Variants in NTF3 observed in about 807,000 individuals in gnomAD.
NTF3 encodes the protein neurotrophin-3.
NTF3 carries 8 observed loss-of-function variants against 26.3 expected under a neutral mutation model. That is an observed-to-expected ratio of 0.30 (90% confidence interval 0.18 to 0.55). NTF3 has a LOEUF of 0.55. Ranked by LOEUF, NTF3 falls within the 20% of genes least tolerant of loss-of-function variation. NTF3 has a pLI of 0.93. For synonymous variants in NTF3, 154 were observed against 145.5 expected (o/e 1.06, Z -0.42); for missense variants, 276 against 352.9 (o/e 0.78, Z 1.75).
chr12:5,447,525 C>T (rs1459912399), intron 1 of NTF3, among the ~76,000 whole-genome samples: 2 of 152,194 alleles, frequency 1.3e-5, no homozygotes, highest in African/African-American at 4.8e-5. Flanking sequence ...AGTTCTATTT[C>T]TGTCAATCAC....
intron 1 of NTF3, among the ~76,000 whole-genome samples, chr12:5,472,027 C>CGGT (rs1940671761): frequency 6.6e-6 from 1 of 152,114 alleles, no homozygotes; most frequent in Non-Finnish European, 1.5e-5. Context: ...GATAACTGTG[C>CGGT]GGTCTGAGGT....
At chr12:5,438,228 G>A (rs1398518034) in intron 1 of NTF3, among the ~76,000 whole-genome samples, 2 of 151,796 alleles carry the variant, frequency 1.3e-5, no homozygotes, top group African/African-American at 2.4e-5. Flanking sequence ...GCCCCAGAGC[G>A]TTAAAGTATT....
chr12:5,494,302 T>C lies in NTF3; in HGVS notation c.127T>C (p.Ser43Pro). ...GGATCAAAGGAGTTTGCCAGAAGAC[T>C]CGCTCAATTCCCTCATTATTAAGCT... ...NMDQRSLPED[S>P]LNSLIIKLIQ... The change falls in exon 2 of 2, where the codon TCG becomes CCG. Residue 43 changes from serine to proline, a missense_variant. Transcript: ENST00000423158. This position sits in a 1 kb window ranked among gnomAD's most constrained non-coding sequence, Gnocchi z 8.3. 6.2e-7 allele frequency: 1 copy of C among 1,614,112 alleles called. No individual in the cohort carries two copies. The highest frequency in any genetic ancestry group is 8.5e-7 in the Non-Finnish European group (1 of 1,180,032).
chr12:5,438,170 A>AT (rs1468491060), intron 1 of NTF3, among the ~76,000 whole-genome samples: 6 of 152,134 alleles, frequency 3.9e-5, no homozygotes, highest in African/African-American at 1.2e-4. Context: ...AAAAAAAAAA[A>AT]GTCTTTCAGA....
intron 1 of NTF3, among the ~76,000 whole-genome samples, chr12:5,485,159 C>A (rs11063707): frequency 0.43 from 65,521 of 152,060 alleles, 14,170 homozygotes; most frequent in South Asian, 0.51. Flanking sequence ...CCCATATCAC[C>A]TAGATGTGTT....
At chr12:5,440,188 G>T (rs1178361312) in intron 1 of NTF3, among the ~76,000 whole-genome samples, 1 of 152,132 alleles carries the variant, frequency 6.6e-6, no homozygotes, top group Non-Finnish European at 1.5e-5. Context: ...TTGTTCTGTT[G>T]CTTAAACATA....
At chr12:5,454,235 A>G (rs1346804883) in intron 1 of NTF3, among the ~76,000 whole-genome samples, 1 of 152,108 alleles carries the variant, frequency 6.6e-6, no homozygotes, top group African/African-American at 2.4e-5. Flanking sequence ...CTTGGCTTAT[A>G]GATGCATCTG....
intron 1 of NTF3, among the ~76,000 whole-genome samples, chr12:5,441,172 T>C (rs66497710): frequency 0.091 from 13,804 of 152,190 alleles, 667 homozygotes; most frequent in South Asian, 0.12. Context: ...TGGGAAGTCC[T>C]CGAACCACAC....
intron 1 of NTF3, among the ~76,000 whole-genome samples, chr12:5,466,035 CCTCA>C (rs1940584991): frequency 6.6e-6 from 1 of 152,204 alleles, no homozygotes; most frequent in Admixed American, 6.5e-5. Context: ...CAACTTTCAG[CCTCA>C]CTCGTGCCCA....
chr12:5,473,186 G>A (rs555598998), intron 1 of NTF3, among the ~76,000 whole-genome samples: 1 of 152,236 alleles, frequency 6.6e-6, no homozygotes, highest in Non-Finnish European at 1.5e-5. Context: ...ATTGGCTTTT[G>A]CCTGCCCAGC....
intron 1 of NTF3, among the ~76,000 whole-genome samples, chr12:5,448,710 G>C (rs1415912169): frequency 1.3e-5 from 2 of 152,156 alleles, no homozygotes; most frequent in Non-Finnish European, 2.9e-5. Flanking sequence ...CCAGAAGGAA[G>C]CTATCGCATT....
intron 1 of NTF3, among the ~76,000 whole-genome samples, chr12:5,453,151 G>A (rs144392127): frequency 7.2e-4 from 109 of 152,340 alleles, no homozygotes; most frequent in African/African-American, 2.5e-3. Context: ...CATATATGAA[G>A]CATTTAATAC....
chr12:5,468,986 G>A (rs1940629184), intron 1 of NTF3, among the ~76,000 whole-genome samples: 1 of 152,038 alleles, frequency 6.6e-6, no homozygotes, highest in Non-Finnish European at 1.5e-5. Context: ...CCTGGCTTGG[G>A]GTTGCACACC....
rs112236710 is a variant in NTF3 at position 5,453,604 on chromosome 12, T to G, written c.18+21262T>G. Among the ~76,000 whole-genome samples, 387 of 152,362 alleles carry G rather than the reference T, an allele frequency of 2.5e-3. 3 individuals are homozygous for G. Among genetic ancestry groups the G allele is most frequent in the African/African-American group, 8.7e-3 (363 of 41,590 alleles). On this transcript the variant is annotated intron_variant, in intron 1 of 1. Transcript: ENST00000423158. ...CTTAGAAATCTCTTTGATCCATGTT[T>G]AGCTGTATTTATTCTTCCAACAGAT...
chr12:5,495,197 ATCCGGC>A lies in NTF3; in HGVS notation c.*212_*217del. The A allele has an allele frequency of 5.3e-6, 3 of 569,850 alleles. No homozygotes were observed. Among genetic ancestry groups the A allele is most frequent in the Non-Finnish European group, 3.1e-6 (1 of 322,428 alleles). 35.3% of individuals were successfully genotyped at this position (569,850 alleles called of 1,614,324 possible). A position where few individuals can be genotyped will look rare whatever the true frequency, so the allele number is the denominator to read the frequency against. On this transcript the variant is annotated 3_prime_UTR_variant, in exon 2 of 2. Transcript: ENST00000423158. The stretch of plus-strand genomic sequence containing the variant: ...CCCATCTGTTAAAACTTGTTTTGTG[ATCCGGC>A]TCTCAGGAGTCACTCTGTAAAATCT...
intron 1 of NTF3, among the ~76,000 whole-genome samples, chr12:5,485,556 G>C (rs35934802): frequency 2.0e-5 from 3 of 151,964 alleles, no homozygotes; most frequent in Non-Finnish European, 4.4e-5. Context: ...GAAGTGTTCC[G>C]CACAGTCTAG....
At chr12:5,460,579 C>T (rs1393108100) in intron 1 of NTF3, among the ~76,000 whole-genome samples, 1 of 152,214 alleles carries the variant, frequency 6.6e-6, no homozygotes, top group African/African-American at 2.4e-5. Flanking sequence ...CTGTCTGTTC[C>T]TTTCTAGTTC....
At position 5,456,221 on chromosome 12, in the gene NTF3, G is replaced by A. The variant is rs1207427577; in HGVS notation, c.18+23879G>A. Among the ~76,000 whole-genome samples, 6 of 152,146 alleles carry A rather than the reference G, an allele frequency of 3.9e-5. No individual in the cohort carries two copies. The highest frequency in any genetic ancestry group is 9.7e-5 in the African/African-American group (4 of 41,430). On this transcript the variant is annotated intron_variant, in intron 1 of 1. Coordinates refer to ENST00000423158, the MANE Select transcript of NTF3 (RefSeq NM_001102654.2). This position sits in a 1 kb window ranked among gnomAD's most constrained non-coding sequence, Gnocchi z 4.4. Reference sequence around the variant, plus strand: ...AATGCGAGTGGCATCATCCCCTTCCGGTCACCATGGCAACCAGAAACACCT... The same window carrying A: ...AATGCGAGTGGCATCATCCCCTTCCAGTCACCATGGCAACCAGAAACACCT...
At chr12:5,479,421 A>T (rs1419082589) in intron 1 of NTF3, among the ~76,000 whole-genome samples, 1 of 152,210 alleles carries the variant, frequency 6.6e-6, no homozygotes, top group Non-Finnish European at 1.5e-5. Context: ...TGCATTTTGT[A>T]GATATGAGGG....
Sources: allele counts gnomAD v4.1 joint callset (sites outside exome capture counted in the v4.1 genomes callset), GRCh38; gene constraint gnomAD v4.1.1; non-coding constraint Gnocchi (gnomAD v3.1); transcripts MANE v1.5; gene names NCBI Gene and HGNC (gene_info 2026-07-23, HGNC 2026-07-21).